MARCHF1: variants seen among roughly 807,000 people sequenced by gnomAD.
MARCHF1 encodes E3 ubiquitin-protein ligase MARCHF1.
A neutral mutation model predicts 54.2 loss-of-function variants in MARCHF1; 40 were observed. The observed-to-expected ratio is 0.74, with a 90% CI of 0.57 to 0.96. MARCHF1 has a LOEUF of 0.96. Ranked by LOEUF, MARCHF1 falls within the 40% of genes least tolerant of loss-of-function variation. The pLI, the probability that MARCHF1 is intolerant of heterozygous loss-of-function variation, is 0.00. For missense variants in MARCHF1, 586 were observed against 656.5 expected, an observed-to-expected ratio of 0.89 and a Z score of 1.17; for synonymous variants, 236 against 236.3, an observed-to-expected ratio of 1.00 and a Z score of 0.01.
chr4:164,214,158 T>A (rs1056917529), intron 1 of MARCHF1, among the ~76,000 whole-genome samples: 2 of 127,948 alleles, frequency 1.6e-5, no homozygotes, highest in African/African-American at 7.7e-5. Flanking sequence ...AAATAAACAA[T>A]GAAAAAGTAA....
At chr4:164,302,648 T>C (rs1297790982) in intron 1 of MARCHF1, among the ~76,000 whole-genome samples, 1 of 151,898 alleles carries the variant, frequency 6.6e-6, no homozygotes, top group Non-Finnish European at 1.5e-5. Flanking sequence ...GAGGCTGAGG[T>C]AGGTGGATAA....
rs554744088 is a variant in MARCHF1 at position 164,031,423 on chromosome 4, A to T, written c.-247-42714T>A. Among the ~76,000 whole-genome samples, 17 of 101,340 alleles carry T rather than the reference A, an allele frequency of 1.7e-4. No homozygotes were observed. The South Asian group carries it at 3.5e-3, about 21-fold the overall frequency. The allele number at this position is 101,340 out of a possible 152,430, so 66.5% of individuals were successfully genotyped here. A position where few individuals can be genotyped will look rare whatever the true frequency, so the allele number is the denominator to read the frequency against. ...TAGCTAGTGGGGTATCTATTATATT[A>T]TTTTTTTTTCAAAAAAACCATTCAG... On this transcript the variant is annotated intron_variant, in intron 2 of 9. Coordinates refer to ENST00000514618, the MANE Select transcript of MARCHF1 (RefSeq NM_001394959.1).
intron 4 of MARCHF1, among the ~76,000 whole-genome samples, chr4:163,823,710 A>T (rs1182208495): frequency 6.6e-6 from 1 of 151,892 alleles, no homozygotes; most frequent in Non-Finnish European, 1.5e-5. Flanking sequence ...AAACATTTAC[A>T]AAGTAGAATG....
At position 163,767,348 on chromosome 4, in the gene MARCHF1, T is replaced by C. The variant is rs917275630; in HGVS notation, c.112-66485A>G. Among the ~76,000 whole-genome samples the C allele has an allele frequency of 1.8e-4, 27 of 151,958 alleles. 1 individual carries two copies. The highest frequency in any genetic ancestry group is 2.0e-4 in the Admixed American group (3 of 15,262). ...CCAACATTGCATTGCCTTTTTTTTT[T>C]TTTTGAGATGGAGTCTCGCTCGTCG... On this transcript the variant is annotated intron_variant, in intron 4 of 9. Coordinates refer to ENST00000514618, the MANE Select transcript of MARCHF1 (RefSeq NM_001394959.1).
At chr4:163,877,866 T>C (rs1750327599) in intron 3 of MARCHF1, among the ~76,000 whole-genome samples, 1 of 152,182 alleles carries the variant, frequency 6.6e-6, no homozygotes, top group Non-Finnish European at 1.5e-5. Flanking sequence ...CACCCTCCAA[T>C]GACTTGGTTA....
At chr4:164,073,320 A>C (rs1261326927) in intron 2 of MARCHF1, among the ~76,000 whole-genome samples, 2 of 152,218 alleles carry the variant, frequency 1.3e-5, no homozygotes, top group African/African-American at 4.8e-5. Context: ...GCAGCCATAA[A>C]AAAGAATGAT....
At chr4:164,054,900 C>T (rs1297276291) in intron 2 of MARCHF1, among the ~76,000 whole-genome samples, 4 of 151,102 alleles carry the variant, frequency 2.6e-5, no homozygotes, top group Admixed American at 1.3e-4. Flanking sequence ...GCACAATGTG[C>T]ACATGTACCC....
At chr4:163,547,421 A>G (rs1738947333) in intron 8 of MARCHF1, among the ~76,000 whole-genome samples, 1 of 152,238 alleles carries the variant, frequency 6.6e-6, no homozygotes, top group African/African-American at 2.4e-5. Context: ...CTAGTGGGAC[A>G]TTAAGTTTTT....
intron 4 of MARCHF1, among the ~76,000 whole-genome samples, chr4:163,754,032 A>C (rs752544284): frequency 6.6e-6 from 1 of 152,206 alleles, no homozygotes; most frequent in Non-Finnish European, 1.5e-5. Context: ...ATGAAAAAGA[A>C]TTCATTGACT....
chr4:164,196,351 C>T (rs185204906), intron 1 of MARCHF1, among the ~76,000 whole-genome samples: 65 of 152,154 alleles, frequency 4.3e-4, no homozygotes, highest in Admixed American at 1.4e-3. Flanking sequence ...TTGCAACATG[C>T]TATTAAAATA....
At chr4:163,883,347 A>AT (rs11398171) in intron 3 of MARCHF1, among the ~76,000 whole-genome samples, 66,026 of 138,116 alleles carry the variant, frequency 0.48, 16,487 homozygotes, top group Middle Eastern at 0.6. Flanking sequence ...CTACGGATGT[A>AT]TTTTTTTTTT....
chr4:164,107,554 G>T (rs1755733691), intron 2 of MARCHF1, among the ~76,000 whole-genome samples: 1 of 151,984 alleles, frequency 6.6e-6, no homozygotes, highest in South Asian at 2.1e-4. Flanking sequence ...GTAGAAACAG[G>T]GTTTCACCAT....
chr4:164,180,390 G>A (rs112705949), intron 1 of MARCHF1, among the ~76,000 whole-genome samples: 5,887 of 152,078 alleles, frequency 0.039, 148 homozygotes, highest in Non-Finnish European at 0.053. Flanking sequence ...TTTCAAGAAG[G>A]TCAATTATAA....
At chr4:163,767,077 T>G (rs1746998223) in intron 4 of MARCHF1, among the ~76,000 whole-genome samples, 1 of 146,954 alleles carries the variant, frequency 6.8e-6, no homozygotes, top group Admixed American at 6.9e-5. Flanking sequence ...TGTCTTTTTT[T>G]CAGATAAGGA....
chr4:164,336,078 T>A (rs1729732275), intron 1 of MARCHF1, among the ~76,000 whole-genome samples: 5 of 152,166 alleles, frequency 3.3e-5, no homozygotes, highest in Admixed American at 3.3e-4. Flanking sequence ...ATCAAACCCA[T>A]GAATATAACA....
chr4:164,295,029 A>G (rs1406662355), intron 1 of MARCHF1, among the ~76,000 whole-genome samples: 2 of 152,184 alleles, frequency 1.3e-5, no homozygotes, highest in South Asian at 2.1e-4. Flanking sequence ...ACACACACAC[A>G]CACATTTACG....
At chr4:163,804,013 GA>G (rs1748157084) in intron 4 of MARCHF1, among the ~76,000 whole-genome samples, 1 of 152,032 alleles carries the variant, frequency 6.6e-6, no homozygotes. Context: ...TTCTTTTCTA[GA>G]CAAGTTAAGG....
intron 1 of MARCHF1, among the ~76,000 whole-genome samples, chr4:164,211,512 CTG>C (rs1731774316): frequency 6.6e-6 from 1 of 151,718 alleles, no homozygotes; most frequent in Non-Finnish European, 1.5e-5. Context: ...AGTTAAGAGA[CTG>C]TTTTAAAAAT....
At chr4:164,141,459 A>T (rs1422566071) in intron 1 of MARCHF1, among the ~76,000 whole-genome samples, 2 of 152,232 alleles carry the variant, frequency 1.3e-5, no homozygotes, top group Admixed American at 1.3e-4. Context: ...CATTTCTACT[A>T]AAATTAACAA....
Sources: gnomAD v4.1 joint callset for allele counts (sites outside exome capture counted in the v4.1 genomes callset) on GRCh38, gnomAD v4.1.1 for gene constraint, MANE v1.5 for transcripts, NCBI Gene and HGNC (gene_info 2026-07-23, HGNC 2026-07-21) for gene names.